ITGA1: variants seen among roughly 807,000 people sequenced by gnomAD.
ITGA1 encodes integrin alpha-1.
ITGA1 carries 85 observed loss-of-function variants against 145.9 expected under a neutral mutation model. The observed-to-expected ratio is 0.58, with a 90% CI of 0.49 to 0.70. The LOEUF is 0.70. Ranked by LOEUF, ITGA1 falls within the 30% of genes least tolerant of loss-of-function variation. The pLI, the probability that ITGA1 is intolerant of heterozygous loss-of-function variation, is 0.00. For missense variants in ITGA1, 1,351 were observed against 1,418.7 expected (o/e 0.95, Z 0.77); for synonymous variants, 520 against 495.3 (o/e 1.05, Z -0.66).
At chr5:52,897,067 T>C (rs564518620) in intron 9 of ITGA1, among the ~76,000 whole-genome samples, 1 of 152,256 alleles carries the variant, frequency 6.6e-6, no homozygotes, top group Admixed American at 6.5e-5. Context: ...GAGTTTAGCC[T>C]AAGGGCTCAG....
At chr5:52,924,300 G>A (rs1750771173) in intron 18 of ITGA1, among the ~76,000 whole-genome samples, 1 of 152,192 alleles carries the variant, frequency 6.6e-6, no homozygotes, top group African/African-American at 2.4e-5. Context: ...CACCTAGGCT[G>A]AGAAGTCAGG....
intron 10 of ITGA1, among the ~76,000 whole-genome samples, chr5:52,897,830 A>G (rs1440209245): frequency 2.1e-5 from 2 of 95,654 alleles, no homozygotes; most frequent in Admixed American, 2.6e-4. Context: ...TTTGCTACAG[A>G]TGTGGAATAT....
chr5:52,829,354 G>C (rs58167746), intron 1 of ITGA1, among the ~76,000 whole-genome samples: 33,764 of 151,838 alleles, frequency 0.22, 4,073 homozygotes, highest in South Asian at 0.42. Context: ...AGTGAAACCT[G>C]TCTTTACCAA....
intron 1 of ITGA1, among the ~76,000 whole-genome samples, chr5:52,818,257 TCTAA>T (rs1263871910): frequency 5.9e-5 from 9 of 152,346 alleles, no homozygotes; most frequent in African/African-American, 1.7e-4. Flanking sequence ...GGTATGGTTC[TCTAA>T]CTATATTCTG....
At chr5:52,882,721 A>G (rs956634393) in intron 7 of ITGA1, among the ~76,000 whole-genome samples, 24 of 152,182 alleles carry the variant, frequency 1.6e-4, no homozygotes, top group African/African-American at 5.5e-4. Flanking sequence ...AATGTAGAAC[A>G]CTTTATTTCC....
chr5:52,927,926 C>A (rs1177081944), intron 20 of ITGA1, among the ~76,000 whole-genome samples: 1 of 152,046 alleles, frequency 6.6e-6, no homozygotes, highest in Non-Finnish European at 1.5e-5. Flanking sequence ...GTGGAGCCCC[C>A]ATGAGGGATT....
At chr5:52,851,164 A>G (rs931938081) in intron 2 of ITGA1, among the ~76,000 whole-genome samples, 1 of 152,218 alleles carries the variant, frequency 6.6e-6, no homozygotes, top group Non-Finnish European at 1.5e-5. Flanking sequence ...TTGCTAAAAT[A>G]TTTTATGAAA....
chr5:52,920,268 C>G (rs1461316299), intron 16 of ITGA1, 64 bp from the exon 17 acceptor site: 1 of 1,258,698 alleles, frequency 7.9e-7, no homozygotes, highest in South Asian at 1.5e-5. Flanking sequence ...ATTTAATAAT[C>G]TGTACAATAT....
chr5:52,842,882 GGGTTTCA>G (rs1749277973), intron 1 of ITGA1, among the ~76,000 whole-genome samples: 3 of 152,000 alleles, frequency 2.0e-5, no homozygotes, highest in South Asian at 2.1e-4. Context: ...AGTAGAGATG[GGGTTTCA>G]CCATATTGGC....
intron 6 of ITGA1, among the ~76,000 whole-genome samples, chr5:52,869,292 C>T (rs1049181100): frequency 6.6e-6 from 1 of 152,138 alleles, no homozygotes; most frequent in African/African-American, 2.4e-5. Context: ...TTCTGAGTAG[C>T]TGGGATTACA....
At chr5:52,811,690 G>T (rs145474728) in intron 1 of ITGA1, among the ~76,000 whole-genome samples, 349 of 152,200 alleles carry the variant, frequency 2.3e-3, no homozygotes, top group Non-Finnish European at 3.9e-3. Flanking sequence ...AAAATCTTGA[G>T]GTTTACAAAT....
intron 1 of ITGA1, chr5:52,801,535 T>C: frequency 6.2e-7 from 1 of 1,614,170 alleles, no homozygotes; most frequent in Non-Finnish European, 8.5e-7. Flanking sequence ...CTATAAAATG[T>C]TACAGCATGA....
chr5:52,916,967 T>G (rs1008961455), intron 15 of ITGA1, among the ~76,000 whole-genome samples: 6 of 152,178 alleles, frequency 3.9e-5, no homozygotes, highest in African/African-American at 1.4e-4. Flanking sequence ...TGGCCCAAAA[T>G]GATAGTCATT....
At chr5:52,900,285 T>A (rs75259618) in intron 11 of ITGA1, among the ~76,000 whole-genome samples, 1 of 152,172 alleles carries the variant, frequency 6.6e-6, no homozygotes, top group Non-Finnish European at 1.5e-5. Context: ...GTAGAATAAA[T>A]ATAGAACATT....
At chr5:52,929,600 C>T (rs1188702703) in intron 20 of ITGA1, 25 bp from the exon 21 acceptor site, 2 of 1,224,984 alleles carry the variant, frequency 1.6e-6, no homozygotes, top group South Asian at 1.3e-5. Context: ...TTATCTGTTA[C>T]TAAAGACATA....
At chr5:52,918,528 A>G (rs188299484) in intron 15 of ITGA1, among the ~76,000 whole-genome samples, 7 of 152,308 alleles carry the variant, frequency 4.6e-5, no homozygotes, top group Admixed American at 1.3e-4. Context: ...AAAAGCCCCA[A>G]ATGGTTTCCA....
intron 1 of ITGA1, among the ~76,000 whole-genome samples, chr5:52,845,801 T>A (rs1749323103): frequency 6.6e-6 from 1 of 152,208 alleles, no homozygotes; most frequent in South Asian, 2.1e-4. Context: ...GAAACCCTGC[T>A]GCAGAAGTAT....
intron 1 of ITGA1, among the ~76,000 whole-genome samples, chr5:52,816,229 A>G (rs1004712857): frequency 6.6e-6 from 1 of 152,208 alleles, no homozygotes; most frequent in Non-Finnish European, 1.5e-5. Context: ...GGGACTTAAT[A>G]TATATCCATG....
At chr5:52,874,820 G>T (rs1749840124) in intron 6 of ITGA1, among the ~76,000 whole-genome samples, 1 of 152,124 alleles carries the variant, frequency 6.6e-6, no homozygotes, top group African/African-American at 2.4e-5. Flanking sequence ...ATGCATGATG[G>T]TATGTCATAA....
Sources: allele counts gnomAD v4.1 joint callset (sites outside exome capture counted in the v4.1 genomes callset), GRCh38; gene constraint gnomAD v4.1.1; transcripts MANE v1.5; gene names NCBI Gene and HGNC (gene_info 2026-07-23, HGNC 2026-07-21).